ZFYVE28: variants seen among roughly 807,000 people sequenced by gnomAD.
ZFYVE28 encodes zinc finger FYVE-type containing 28.
ZFYVE28 carries 40 observed loss-of-function variants against 82.1 expected under a neutral mutation model. That is an observed-to-expected ratio of 0.49 (90% CI 0.38 to 0.63). The LOEUF (loss-of-function observed/expected upper bound fraction) is 0.63, where lower values mean the gene tolerates loss of function less well. Ranked by LOEUF, ZFYVE28 falls within the 30% of genes least tolerant of loss-of-function variation. The pLI is 0.00. For synonymous variants in ZFYVE28, 612 were observed against 546.1 expected, an observed-to-expected ratio of 1.12 and a Z score of -1.68; for missense variants, 1,321 against 1,242.1, an observed-to-expected ratio of 1.06 and a Z score of -0.96.
intron 10 of ZFYVE28, 60 bp downstream of exon 10, chr4:2,273,113 T>C: frequency 7.1e-7 from 1 of 1,401,126 alleles, no homozygotes; most frequent in Non-Finnish European, 9.9e-7. Flanking sequence ...CACCCCTCCC[T>C]GTGGGCAGGG....
At chr4:2,399,030 T>TCAGTGGCGAGATTGAGGGCACAAGGA (rs1730828765) in intron 1 of ZFYVE28, among the ~76,000 whole-genome samples, 1 of 44,084 alleles carries the variant, frequency 2.3e-5, no homozygotes, top group African/African-American at 7.8e-5. Context: ...GGGCACAAGG[T>TCAGTGGCGAGATTGAGGGCACAAGGA]GGGGTGAGAT....
chr4:2,404,321 A>AC (rs1553866930), intron 1 of ZFYVE28, among the ~76,000 whole-genome samples: 6 of 150,764 alleles, frequency 4.0e-5, no homozygotes, highest in Admixed American at 1.3e-4. Context: ...AAAAAAAAAA[A>AC]AAAAAAACGC....
At chr4:2,280,439 T>C (rs541784399) in intron 8 of ZFYVE28, among the ~76,000 whole-genome samples, 42 of 152,084 alleles carry the variant, frequency 2.8e-4, no homozygotes, top group African/African-American at 9.9e-4. Flanking sequence ...GCCCAGGAGT[T>C]CAAGGGTACA....
intron 6 of ZFYVE28, among the ~76,000 whole-genome samples, chr4:2,328,019 A>G (rs1578108547): frequency 6.6e-6 from 1 of 152,048 alleles, no homozygotes; most frequent in Non-Finnish European, 1.5e-5. Flanking sequence ...AAAAACTACA[A>G]ATATAATTGC....
At chr4:2,361,284 A>C (rs1186651142) in intron 1 of ZFYVE28, among the ~76,000 whole-genome samples, 1 of 148,898 alleles carries the variant, frequency 6.7e-6, no homozygotes. Context: ...GGTTCAAAAA[A>C]TACAAGGATG....
intron 1 of ZFYVE28, among the ~76,000 whole-genome samples, chr4:2,373,910 C>T (rs1467279322): frequency 6.6e-6 from 1 of 152,160 alleles, no homozygotes; most frequent in African/African-American, 2.4e-5. Context: ...CTGTCATGCC[C>T]CAAGCCCTGC....
chr4:2,271,798 C>T lies in ZFYVE28; in HGVS notation c.2324-19G>A, dbSNP rs1172585800. ...TGGGTGACTAGTGGAGAAGGGGGGC[C>T]GTCGGGGTATGGTGAGGGAGGCGGG... On this transcript the variant is annotated intron_variant, in intron 10 of 12. Transcript: ENST00000290974. The T allele has an allele frequency of 6.2e-7, 1 of 1,610,532 alleles. No homozygotes were observed. The highest frequency in any genetic ancestry group is 8.5e-7 in the Non-Finnish European group (1 of 1,177,438).
chr4:2,385,588 G>A (rs1239963314), intron 1 of ZFYVE28, among the ~76,000 whole-genome samples: 1 of 152,220 alleles, frequency 6.6e-6, no homozygotes, highest in Non-Finnish European at 1.5e-5. Context: ...CCTCCCACAG[G>A]CTTCGGACAG....
At chr4:2,271,821 G>C (rs376954264) in intron 10 of ZFYVE28, 42 bp from the exon 11 acceptor site, 132 of 1,582,810 alleles carry the variant, frequency 8.3e-5, no homozygotes, top group Non-Finnish European at 1.1e-4. Context: ...TGAGGGAGGC[G>C]GGCAATTGAT....
intron 6 of ZFYVE28, among the ~76,000 whole-genome samples, chr4:2,333,485 G>A (rs1341157618): frequency 2.6e-5 from 4 of 151,900 alleles, no homozygotes; most frequent in Non-Finnish European, 5.9e-5. Flanking sequence ...GCAAACACGG[G>A]CAGCAGACTC....
intron 8 of ZFYVE28, among the ~76,000 whole-genome samples, chr4:2,279,980 A>G (rs572784795): frequency 3.3e-4 from 50 of 152,320 alleles, no homozygotes; most frequent in African/African-American, 1.1e-3. Flanking sequence ...TATTGGCTGT[A>G]CAGCCTCATG....
rs1715294911 is a variant in ZFYVE28, at chr4:2,300,159, CAG to C, written c.2051+4128_2051+4129del. ...AGGGACCACATCTATAATTAGCAAACAGGGAGTCAGTGTTACTTTTTGCAGAA... is the reference window on the plus strand; with the variant it reads ...AGGGACCACATCTATAATTAGCAAACGGAGTCAGTGTTACTTTTTGCAGAA... On this transcript the variant is annotated intron_variant, in intron 8 of 12. Transcript: ENST00000290974. The surrounding 1 kb of genome is among the most constrained non-coding windows in gnomAD (Gnocchi z 4.6). Among the ~76,000 whole-genome samples the C allele has an allele frequency of 2.0e-5, 3 of 152,160 alleles. No individual in the cohort carries two copies. Among genetic ancestry groups the C allele is most frequent in the South Asian group, 4.1e-4 (2 of 4,828 alleles).
chr4:2,388,598 T>C (rs1237464687), intron 1 of ZFYVE28, among the ~76,000 whole-genome samples: 1 of 152,148 alleles, frequency 6.6e-6, no homozygotes, highest in Non-Finnish European at 1.5e-5. Flanking sequence ...AGAAAGGCTT[T>C]CAGAGGAAGG....
At chr4:2,382,131 A>G (rs1359444319) in intron 1 of ZFYVE28, among the ~76,000 whole-genome samples, 2 of 152,256 alleles carry the variant, frequency 1.3e-5, no homozygotes, top group Non-Finnish European at 2.9e-5. Flanking sequence ...GCATGGAAAC[A>G]CCTGGATCCC....
intron 1 of ZFYVE28, among the ~76,000 whole-genome samples, chr4:2,356,133 C>T (rs1055249994): frequency 6.6e-6 from 1 of 152,162 alleles, no homozygotes; most frequent in Non-Finnish European, 1.5e-5. Context: ...AGACACTGGC[C>T]CAGACCCCTG....
At chr4:2,400,862 T>A (rs1412816835) in intron 1 of ZFYVE28, among the ~76,000 whole-genome samples, 1 of 152,062 alleles carries the variant, frequency 6.6e-6, no homozygotes, top group Admixed American at 6.6e-5. Context: ...AATGTTAACA[T>A]CCTTTGGCAG....
In ZFYVE28 at chr4:2,300,334, G is replaced by C. The variant is rs531577516; in HGVS notation, c.2051+3955C>G. Among the ~76,000 whole-genome samples, 12 of 152,176 alleles carry C rather than the reference G, an allele frequency of 7.9e-5. No individual in the cohort carries two copies. Among genetic ancestry groups the C allele is most frequent in the Non-Finnish European group, 1.8e-4 (12 of 68,028 alleles). ...GATCAAAGAGGTAAGGCTAGCTGAA[G>C]GGAAAATAAGCTTTTAAAAAATGTC... On this transcript the variant is annotated intron_variant, in intron 8 of 12. Transcript: ENST00000290974. This position sits in a 1 kb window ranked among gnomAD's most constrained non-coding sequence, Gnocchi z 4.6.
intron 8 of ZFYVE28, among the ~76,000 whole-genome samples, chr4:2,302,298 T>C (rs529626370): frequency 6.6e-6 from 1 of 152,364 alleles, no homozygotes; most frequent in East Asian, 1.9e-4. Context: ...CTATCTTATT[T>C]ATAGATTTGA....
Position 2,339,786 on chromosome 4 carries a change from C to G in ZFYVE28, c.319-131G>C. The G allele has an allele frequency of 1.3e-6, 1 of 772,828 alleles. No homozygotes were observed. Among genetic ancestry groups the G allele is most frequent in the Non-Finnish European group, 2.0e-6 (1 of 493,656 alleles). 47.9% of individuals were successfully genotyped at this position (772,828 alleles called of 1,614,324 possible). ...CCCACAGCACAGGCCAGCTCGTGTT[C>G]CCGGTCCCCGCAGGAGGTTTTTCTT... On this transcript the variant is annotated intron_variant, in intron 3 of 12. Transcript: ENST00000290974. The surrounding 1 kb of genome is among the most constrained non-coding windows in gnomAD (Gnocchi z 5.0).
Sources: gnomAD v4.1 joint callset for allele counts (sites outside exome capture counted in the v4.1 genomes callset) on GRCh38, gnomAD v4.1.1 for gene constraint, Gnocchi (gnomAD v3.1) non-coding constraint, MANE v1.5 for transcripts, NCBI Gene and HGNC (gene_info 2026-07-23, HGNC 2026-07-21) for gene names.